SLC17A1: variants seen among roughly 807,000 people sequenced by gnomAD.
The protein encoded by SLC17A1 is sodium-dependent phosphate transport protein 1.
SLC17A1 carries 51 observed loss-of-function variants against 53.5 expected under a neutral mutation model. The ratio of observed to expected loss-of-function variants is 0.95; its 90% CI spans 0.76 to 1.20. The LOEUF is 1.20. Among genes scored for constraint, SLC17A1 ranks in the 50% most tolerant of loss-of-function variants. The pLI, the probability that SLC17A1 is intolerant of heterozygous loss-of-function variation, is 0.00. For missense variants in SLC17A1, 538 were observed against 568.2 expected (o/e 0.95, Z 0.54); for synonymous variants, 179 against 198.8 (o/e 0.90, Z 0.84).
At chr6:25,812,656 C>A (rs1377289669) in intron 8 of SLC17A1, among the ~76,000 whole-genome samples, 175 bp downstream of exon 8, 1 of 152,164 alleles carries the variant, frequency 6.6e-6, no homozygotes, top group African/African-American at 2.4e-5. Flanking sequence ...TACATCAATG[C>A]CTTCTGTTTT....
chr6:25,731,772 C>T, the SLC17A1 span: 4 of 1,555,754 alleles, frequency 2.6e-6, no homozygotes, highest in Non-Finnish European at 3.5e-6. Context: ...ATCTGCTGGC[C>T]CTATCATGTT....
chr6:25,752,425 C>T, the SLC17A1 span, among the ~76,000 whole-genome samples: 1 of 152,138 alleles, frequency 6.6e-6, no homozygotes, highest in Non-Finnish European at 1.5e-5. Context: ...GGAAGTTACT[C>T]TGGGTGAGGC....
rs1204396128 is a variant in SLC17A1 at position 25,819,926 on chromosome 6, A to AG, written c.208-12dup. 5.8e-6 allele frequency: 9 copies of AG among 1,549,938 alleles called. No homozygotes were observed. The African/African-American group carries it at 6.8e-5, about 12-fold the overall frequency. On this transcript the variant is annotated splice_polypyrimidine_tract_variant and intron_variant, in intron 3 of 12. Transcript: ENST00000244527. Reference sequence around the variant, plus strand: ...ATTATACATAGGGTTCTAAAAGACAAGGGGGGACATGTCGAATCACTCTGC... The same window carrying AG: ...ATTATACATAGGGTTCTAAAAGACAAGGGGGGGACATGTCGAATCACTCTGC...
At chr6:25,732,646 G>A in the SLC17A1 span, 5 of 1,282,378 alleles carry the variant, frequency 3.9e-6, no homozygotes, top group African/African-American at 6.0e-5. Context: ...AACGCCGTCG[G>A]AACAAGAAGA....
the SLC17A1 span, among the ~76,000 whole-genome samples, chr6:25,745,028 C>T: frequency 6.6e-6 from 1 of 151,932 alleles, no homozygotes; most frequent in South Asian, 2.1e-4. Context: ...AATAAAAGCA[C>T]ATAACCAACT....
At position 25,826,492 on chromosome 6, in the gene SLC17A1, G is replaced by T; in HGVS notation, c.176C>A (p.Thr59Asn). Residue 59 changes from threonine (T) to asparagine (N), a missense_variant, in exon 3 of 13, where the codon ACC becomes AAC. Physicochemically the swap from Thr to Asn is moderately conservative, Grantham distance 65 (BLOSUM62 0). Transcript: ENST00000244527. ...NSTDPHGLPN[T>N]STKKLLDNIK... ...ATTATCCAGGAGCTTCTTTGTGGAG[G>T]TGTTGGGCAAACCATGTGGATCTGT... The T allele has an allele frequency of 1.9e-6, 3 of 1,609,990 alleles. No homozygotes were observed. The highest frequency in any genetic ancestry group is 2.5e-6 in the Non-Finnish European group (3 of 1,177,940).
the SLC17A1 span, among the ~76,000 whole-genome samples, chr6:25,733,236 T>C: frequency 3.9e-5 from 6 of 152,222 alleles, no homozygotes; most frequent in African/African-American, 1.4e-4. Flanking sequence ...TGACAACCTA[T>C]GTAATTCCTG....
In SLC17A1 at chr6:25,813,113, T is replaced by A; in HGVS notation, c.717A>T (p.Thr239=). 1.2e-6 allele frequency: 2 copies of A among 1,614,074 alleles called. No individual in the cohort carries two copies. Among genetic ancestry groups the A allele is most frequent in the Non-Finnish European group, 1.7e-6 (2 of 1,179,920 alleles). ...GTTCTACCTGCTGGACCAGGGAGGA[T>A]GTGATGTATTCCTTTTCACTGATGC... ...CISISEKEYI[T]SSLVQQVSSS... Residue 239 remains threonine, a synonymous_variant, in exon 7 of 13, where the codon ACA becomes ACT. Transcript: ENST00000244527.
chr6:25,747,513 T>A, the SLC17A1 span, among the ~76,000 whole-genome samples: 2 of 152,244 alleles, frequency 1.3e-5, no homozygotes, highest in African/African-American at 2.4e-5. Context: ...ATTCTTCAAG[T>A]ATATTTTAGC....
Position 25,789,169 on chromosome 6 carries a change from G to T in SLC17A1, c.*3-5951C>A, listed in dbSNP as rs186705769. Among the ~76,000 whole-genome samples, 9 of 152,238 alleles carry T rather than the reference G, an allele frequency of 5.9e-5. No homozygotes were observed. In the East Asian group the frequency reaches 1.7e-3, roughly 29 times the overall value. Reference sequence around the variant, plus strand: ...TATTAGAGTGAGGACTGATTTCAGGGCTTGGTCAGGGAAAAACTCAAGATG... The same window carrying T: ...TATTAGAGTGAGGACTGATTTCAGGTCTTGGTCAGGGAAAAACTCAAGATG... On this transcript the variant is annotated intron_variant, in intron 12 of 12. Transcript: ENST00000244527.
chr6:25,803,926 G>A (rs1333506162), intron 10 of SLC17A1, among the ~76,000 whole-genome samples: 1 of 152,038 alleles, frequency 6.6e-6, no homozygotes. Flanking sequence ...TCATCAGAGA[G>A]AAGGTAAATA....
the SLC17A1 span, chr6:25,773,511 A>G: frequency 6.2e-7 from 1 of 1,613,724 alleles, no homozygotes; most frequent in Admixed American, 1.7e-5. Flanking sequence ...GCTTTCTTCC[A>G]GGACTGTTCA....
At chr6:25,814,664 A>G (rs1764271573) in intron 6 of SLC17A1, among the ~76,000 whole-genome samples, 1 of 152,172 alleles carries the variant, frequency 6.6e-6, no homozygotes, top group Non-Finnish European at 1.5e-5. Flanking sequence ...CTAAAACTGA[A>G]TTGCCAAGAC....
intron 3 of SLC17A1, among the ~76,000 whole-genome samples, chr6:25,823,558 T>A (rs1764637830): frequency 2.0e-5 from 3 of 152,090 alleles, no homozygotes; most frequent in Admixed American, 2.0e-4. Flanking sequence ...TTGTCTCCAA[T>A]GTCAAATGAT....
chr6:25,749,894 G>A, the SLC17A1 span, among the ~76,000 whole-genome samples: 1 of 152,176 alleles, frequency 6.6e-6, no homozygotes, highest in African/African-American at 2.4e-5. Context: ...GTTTCAGATG[G>A]AAGCTGCCTA....
chr6:25,801,453 A>C (rs548219926), intron 10 of SLC17A1, among the ~76,000 whole-genome samples: 1 of 152,320 alleles, frequency 6.6e-6, no homozygotes, highest in South Asian at 2.1e-4. Context: ...CAATCCTGGA[A>C]GCTCAAACCA....
At chr6:25,770,800 A>C in the SLC17A1 span, 1 of 747,248 alleles carries the variant, frequency 1.3e-6, no homozygotes, top group African/African-American at 1.7e-5. Context: ...TTACCAAGTG[A>C]AGGAACCTAG....
Position 25,813,099 on chromosome 6 carries a change from TG to T in SLC17A1, c.730del (p.Gln244SerfsTer38), listed in dbSNP as rs1200367696. On this transcript the variant is annotated frameshift_variant, in exon 7 of 13. Transcript: ENST00000244527. LOFTEE classifies it high-confidence loss of function. ...EKEYITSSLV[Q>X]QVSSSRQSLP... ...ATATGGAGAACTGTGTTCTACCTGC[TG>T]GACCAGGGAGGATGTGATGTATTCC... 5.0e-6 allele frequency: 8 copies of T among 1,613,748 alleles called. No homozygotes were observed. The highest frequency in any genetic ancestry group is 4.0e-5 in the African/African-American group (3 of 74,928).
At chr6:25,773,857 T>A in the SLC17A1 span, among the ~76,000 whole-genome samples, 1 of 152,204 alleles carries the variant, frequency 6.6e-6, no homozygotes, top group Non-Finnish European at 1.5e-5. Flanking sequence ...GGTTCACTAC[T>A]TACTGCAGGA....
Sources: gnomAD v4.1 joint callset for allele counts (sites outside exome capture counted in the v4.1 genomes callset) on GRCh38, gnomAD v4.1.1 for gene constraint, MANE v1.5 for transcripts, NCBI Gene and HGNC (gene_info 2026-07-23, HGNC 2026-07-21) for gene names.